The following ANXA2 variants were observed in gnomAD, a reference collection of about 807,000 sequenced individuals.
The protein encoded by ANXA2 is annexin A2, also known as annexin II.
ANXA2 carries 28 observed loss-of-function variants against 47.3 expected under a neutral mutation model. The observed-to-expected ratio is 0.59, with a 90% confidence interval of 0.44 to 0.81. The LOEUF (loss-of-function observed/expected upper bound fraction) is 0.81. Among genes scored for constraint, ANXA2 ranks in the 40% least tolerant of loss-of-function variants. The pLI, the probability that ANXA2 is intolerant of heterozygous loss-of-function variation, is 0.00. For synonymous variants in ANXA2, 172 were observed against 155.5 expected (o/e 1.11, Z -0.79); for missense variants, 384 against 414.3 (o/e 0.93, Z 0.64).
At chr15:60,374,432 CG>C in intron 3 of ANXA2, 1 of 455,294 alleles carries the variant, frequency 2.2e-6, no homozygotes, top group South Asian at 1.6e-5. Context: ...GAGAAACCAA[CG>C]CAGCCACCCT....
In ANXA2 at chr15:60,351,247, C is replaced by T; in HGVS notation, c.783G>A (p.Gln261=). The T allele has an allele frequency of 6.2e-7, 1 of 1,614,204 alleles. No homozygotes were observed. The highest frequency in any genetic ancestry group is 8.5e-7 in the Non-Finnish European group (1 of 1,180,026). Residue 261 remains glutamine (Q), a synonymous_variant, in exon 11 of 13, where the codon CAG becomes CAA. Transcript: ENST00000451270. ...DLENAFLNLV[Q]CIQNKPLYFA... ...AATACAGGGGCTTGTTCTGAATGCA[C>T]TGAACTGTGGAGAGAAGAAAGGGAG...
At chr15:60,362,988 C>T (rs2062538057) in intron 4 of ANXA2, 1 of 105,036 alleles carries the variant, frequency 9.5e-6, no homozygotes, top group Non-Finnish European at 1.8e-5. Flanking sequence ...CCGAATCACA[C>T]CACTGCAATC....
At chr15:60,374,645 T>A (rs1193209219) in intron 3 of ANXA2, 1 of 455,948 alleles carries the variant, frequency 2.2e-6, no homozygotes, top group Non-Finnish European at 4.4e-6. Context: ...AGGACTCCTT[T>A]TCCAGTGTTT....
intron 5 of ANXA2, among the ~76,000 whole-genome samples, chr15:60,359,500 T>G (rs974477437): frequency 6.6e-6 from 1 of 152,226 alleles, no homozygotes; most frequent in Non-Finnish European, 1.5e-5. Flanking sequence ...ACGTCTTTTC[T>G]GCAGTACAGT....
chr15:60,371,728 G>A (rs543385322), intron 3 of ANXA2, among the ~76,000 whole-genome samples: 1 of 152,258 alleles, frequency 6.6e-6, no homozygotes, highest in South Asian at 2.1e-4. Flanking sequence ...TAAGATTACT[G>A]AGCATACCAG....
At chr15:60,366,808 GGGGGGGGGT>G (rs2062619580) in intron 3 of ANXA2, among the ~76,000 whole-genome samples, 1 of 137,462 alleles carries the variant, frequency 7.3e-6, no homozygotes, top group Admixed American at 6.9e-5. Context: ...GAGGCGGGGG[GGGGGGGGGT>G]CGGCCAGCCG....
intron 5 of ANXA2, among the ~76,000 whole-genome samples, chr15:60,357,503 G>C (rs1184623530): frequency 2.0e-5 from 3 of 151,980 alleles, no homozygotes; most frequent in African/African-American, 7.2e-5. Context: ...TTTTTAAGTA[G>C]TGAATAGGGG....
intron 1 of ANXA2, chr15:60,390,403 C>A: frequency 1.7e-6 from 1 of 591,098 alleles, no homozygotes; most frequent in Non-Finnish European, 2.9e-6. Context: ...ACTGGGCTTT[C>A]TGTAAGAAGT....
chr15:60,352,431 T>C lies in ANXA2; in HGVS notation c.634A>G (p.Lys212Glu). The C allele has an allele frequency of 6.2e-7, 1 of 1,613,844 alleles. No homozygotes were observed. Among genetic ancestry groups the C allele is most frequent in the South Asian group, 1.1e-5 (1 of 91,054 alleles). The change falls in exon 9 of 13, where the codon AAG (lysine) becomes GAG (glutamate). Residue 212 changes from lysine to glutamate, a missense_variant. Transcript: ENST00000451270. The surrounding 1 kb of genome is among the most constrained non-coding windows in gnomAD (Gnocchi z 4.2). ...GVKRKGTDVP[K>E]WISIMTERSV... ...CGCTCGGTCATGATGCTGATCCACT[T>C]GGGAACATCAGTTCCTTTCCTCTTC...
chr15:60,374,251 T>C (rs1005912233), intron 3 of ANXA2, among the ~76,000 whole-genome samples: 1 of 152,230 alleles, frequency 6.6e-6, no homozygotes, highest in Non-Finnish European at 1.5e-5. Context: ...TGCAGAATTA[T>C]ATTTCTGAAA....
At chr15:60,377,283 G>A (rs376783316) in intron 3 of ANXA2, among the ~76,000 whole-genome samples, 1 of 152,136 alleles carries the variant, frequency 6.6e-6, no homozygotes, top group African/African-American at 2.4e-5. Flanking sequence ...AGGAACAAAA[G>A]GGTTGTTATC....
chr15:60,368,979 T>G (rs772991455), intron 3 of ANXA2, among the ~76,000 whole-genome samples: 1 of 152,064 alleles, frequency 6.6e-6, no homozygotes, highest in African/African-American at 2.4e-5. Flanking sequence ...GGGATAGCTA[T>G]TTCTCTTTCT....
intron 4 of ANXA2, among the ~76,000 whole-genome samples, chr15:60,363,985 T>C (rs1310326824): frequency 1.3e-5 from 2 of 152,224 alleles, no homozygotes; most frequent in Non-Finnish European, 2.9e-5. Flanking sequence ...GTTATTGTTG[T>C]TGTTCCCTAT....
chr15:60,377,799 A>C (rs2062801340), intron 3 of ANXA2, among the ~76,000 whole-genome samples: 2 of 152,096 alleles, frequency 1.3e-5, no homozygotes, highest in Admixed American at 1.3e-4. Flanking sequence ...GATTAAAAGA[A>C]ATCATAGGCC....
At chr15:60,366,767 C>G (rs2062616313) in intron 3 of ANXA2, among the ~76,000 whole-genome samples, 1 of 127,654 alleles carries the variant, frequency 7.8e-6, no homozygotes, top group Non-Finnish European at 1.7e-5. Flanking sequence ...TGAGGAGCCC[C>G]TCTGCCCGGC....
intron 2 of ANXA2, chr15:60,383,779 G>A (rs1202075704): frequency 6.7e-6 from 1 of 150,240 alleles, no homozygotes; most frequent in African/African-American, 2.5e-5. Flanking sequence ...CAGTTTCTGT[G>A]AAGAGTGAAA....
At position 60,364,518 on chromosome 15, in the gene ANXA2, C is replaced by G. The variant is rs1295559485; in HGVS notation, c.154G>C (p.Asp52His). 6.2e-7 allele frequency: 1 copy of G among 1,611,378 alleles called. No homozygotes were observed. Among genetic ancestry groups the G allele is most frequent in the Non-Finnish European group, 8.5e-7 (1 of 1,179,106 alleles). The change falls in exon 4 of 13, where the codon GAT becomes CAT. Residue 52 changes from aspartate to histidine, a missense_variant. Physicochemically the swap from Asp to His is moderately conservative, Grantham distance 81. Transcript: ENST00000451270. ...IETAIKTKGVDEVTIVNILTN... is the reference protein window; with the variant it reads ...IETAIKTKGVHEVTIVNILTN... ...AAAATGTTGACAATGGTGACCTCAT[C>G]CACACCTATGGAAATACAAGTTGTT...
rs754495403 is a variant in ANXA2 at position 60,382,366 on chromosome 15, T to C, written c.124A>G (p.Ile42Val). Reference sequence around the variant, plus strand: ...CCTTTGGTCTTGATGGCTGTTTCAATGTTCAAAGCATCCCGCTCAGCATCA... The same window carrying C: ...CCTTTGGTCTTGATGGCTGTTTCAACGTTCAAAGCATCCCGCTCAGCATCA... ...NFDAERDALN[I>V]ETAIKTKGVD... Residue 42 changes from isoleucine to valine, a missense_variant, in exon 3 of 13, where the codon ATT becomes GTT. Transcript: ENST00000451270. 1.9e-6 allele frequency: 3 copies of C among 1,613,940 alleles called. No homozygotes were observed. The highest frequency in any genetic ancestry group is 2.5e-6 in the Non-Finnish European group (3 of 1,179,828).
At chr15:60,369,798 TAA>T (rs1488177282) in intron 3 of ANXA2, among the ~76,000 whole-genome samples, 1 of 152,220 alleles carries the variant, frequency 6.6e-6, no homozygotes, top group African/African-American at 2.4e-5. Flanking sequence ...TCTACCTATC[TAA>T]AAGACTTCTA....
Sources: allele counts gnomAD v4.1 joint callset (sites outside exome capture counted in the v4.1 genomes callset), GRCh38; gene constraint gnomAD v4.1.1; non-coding constraint Gnocchi (gnomAD v3.1); transcripts MANE v1.5; gene names NCBI Gene and HGNC (gene_info 2026-07-23, HGNC 2026-07-21).